Variants in KMT2C observed in about 807,000 individuals in gnomAD.
The protein encoded by KMT2C is lysine methyltransferase 2C.
In KMT2C, 88 loss-of-function variants were observed where a neutral mutation model predicts 507.9. That is an observed-to-expected ratio of 0.17 (90% CI 0.15 to 0.21). The LOEUF (loss-of-function observed/expected upper bound fraction) is 0.21, where lower values mean the gene tolerates loss of function less well. KMT2C is among the 10% of genes least tolerant of loss of function. The pLI is 1.00. For missense variants in KMT2C, 4,954 were observed against 5,957.8 expected (o/e 0.83, Z 5.55); for synonymous variants, 2,049 against 2,080.8 (o/e 0.98, Z 0.42).
Position 152,226,937 on chromosome 7 carries a change from T to C in KMT2C, c.2977-2321A>G, listed in dbSNP as rs1180818851. On this transcript the variant is annotated intron_variant, in intron 18 of 58. Transcript: ENST00000262189. ...CTTAAACAATGACCTGAAGATAAAG[T>C]GGCAGACAGATCTGAGGTGTTCAGT... Among the ~76,000 whole-genome samples, 5 of 152,352 alleles carry C rather than the reference T, an allele frequency of 3.3e-5. No homozygotes were observed. In the South Asian group the frequency reaches 6.2e-4, roughly 19 times the overall value.
intron 6 of KMT2C, among the ~76,000 whole-genome samples, chr7:152,294,022 C>CT (rs5888465): frequency 0.04 from 5,281 of 133,086 alleles, 214 homozygotes; most frequent in African/African-American, 0.098. Flanking sequence ...CCACACCTGC[C>CT]TTTTTTTTTT....
In KMT2C at chr7:152,252,610, A is replaced by C. The variant is rs752854403; in HGVS notation, c.1405T>G (p.Phe469Val). The C allele has an allele frequency of 1.2e-6, 2 of 1,613,672 alleles. No individual in the cohort carries two copies. Among genetic ancestry groups the C allele is most frequent in the East Asian group, 4.5e-5 (2 of 44,854 alleles). The stretch of plus-strand genomic sequence containing the variant: ...TCTGGATGATAACACTTCCCACAGA[A>C]GGGACATAAGTTATCCTGCTGTTGG... ...CYQQQDNLCP[F>V]CGKCYHPELQ... Residue 469 changes from phenylalanine (F) to valine (V), a missense_variant, in exon 10 of 59, where the codon TTC (phenylalanine) becomes GTC (valine). Phe to Val is a conservative substitution (Grantham distance 50). This residue lies in a region of KMT2C where 376 missense variants were observed against 352.4 expected (regional missense o/e 1.07). Coordinates refer to ENST00000262189, the MANE Select transcript of KMT2C (RefSeq NM_170606.3).
chr7:152,387,723 G>A (rs1422709618), intron 1 of KMT2C, among the ~76,000 whole-genome samples: 11 of 152,058 alleles, frequency 7.2e-5, no homozygotes, highest in East Asian at 3.9e-4. Context: ...CGCCCGCCTC[G>A]GCCTCCCAAA....
rs1181764120 is a variant in KMT2C, at chr7:152,179,822, T to TA, written c.7442+11dup. ...TAGCAATTTAAATTCGGCAGGAAATTAAAAGCATTACCTAAATCCATGAGG... is the reference window on the plus strand; with the variant it reads ...TAGCAATTTAAATTCGGCAGGAAATTAAAAAGCATTACCTAAATCCATGAGG... On this transcript the variant is annotated intron_variant, in intron 37 of 58. Transcript: ENST00000262189. 6.2e-7 allele frequency: 1 copy of TA among 1,610,430 alleles called. No individual in the cohort carries two copies. Among genetic ancestry groups the TA allele is most frequent in the Non-Finnish European group, 8.5e-7 (1 of 1,177,978 alleles).
chr7:152,376,378 G>T (rs2097328852), intron 1 of KMT2C, among the ~76,000 whole-genome samples: 2 of 152,202 alleles, frequency 1.3e-5, no homozygotes, highest in African/African-American at 4.8e-5. Context: ...TAATCTTAGT[G>T]GGGAAGGCAT....
At chr7:152,249,083 C>CA (rs2095521130) in intron 13 of KMT2C, among the ~76,000 whole-genome samples, 1 of 152,080 alleles carries the variant, frequency 6.6e-6, no homozygotes, top group African/African-American at 2.4e-5. Flanking sequence ...CCATACCTGC[C>CA]AACCTACCCA....
chr7:152,193,908 G>A, intron 31 of KMT2C, 101 bp downstream of exon 31: 2 of 1,015,910 alleles, frequency 2.0e-6, no homozygotes, highest in Non-Finnish European at 2.7e-6. Flanking sequence ...TGTATACGTG[G>A]CTACTAAAGA....
At chr7:152,309,863 A>AG in intron 6 of KMT2C, 103 bp downstream of exon 6, 1 of 719,892 alleles carries the variant, frequency 1.4e-6, no homozygotes, top group Non-Finnish European at 2.3e-6. Flanking sequence ...CTATTTTGAG[A>AG]GCTTTTACAC....
In KMT2C at chr7:152,178,045, A is replaced by T. The variant is rs777680809; in HGVS notation, c.7443-35T>A. On this transcript the variant is annotated intron_variant, in intron 37 of 58. Coordinates refer to ENST00000262189, the MANE Select transcript of KMT2C (RefSeq NM_170606.3). ...AAAAAAAAAAAAAAAAAAAAAAAGC[A>T]AATAGGTATTATGTTAAATTTAGAG... The T allele has an allele frequency of 4.3e-5, 58 of 1,343,162 alleles. No individual in the cohort carries two copies. The African/African-American group carries it at 8.5e-4, about 20-fold the overall frequency. 83.2% of individuals were successfully genotyped at this position (1,343,162 alleles called of 1,614,324 possible). A position where few individuals can be genotyped will look rare whatever the true frequency, so the allele number is the denominator to read the frequency against.
intron 1 of KMT2C, among the ~76,000 whole-genome samples, chr7:152,422,770 T>C (rs950916781): frequency 5.9e-5 from 9 of 152,098 alleles, no homozygotes; most frequent in Admixed American, 3.3e-4. Context: ...ACGCCTGTAA[T>C]CTCAGCACTT....
At chr7:152,207,969 T>C (rs2094352808) in intron 23 of KMT2C, among the ~76,000 whole-genome samples, 1 of 152,176 alleles carries the variant, frequency 6.6e-6, no homozygotes, top group Non-Finnish European at 1.5e-5. Flanking sequence ...GACTTCTCAA[T>C]ACCTCTGAAA....
intron 26 of KMT2C, among the ~76,000 whole-genome samples, chr7:152,200,351 A>G (rs1363985893): frequency 6.6e-6 from 1 of 152,236 alleles, no homozygotes; most frequent in Non-Finnish European, 1.5e-5. Context: ...CAATTTTTTA[A>G]AAGTATATAG....
At chr7:152,203,277 T>C (rs2094200004) in intron 25 of KMT2C, among the ~76,000 whole-genome samples, 1 of 152,032 alleles carries the variant, frequency 6.6e-6, no homozygotes, top group East Asian at 1.9e-4. Flanking sequence ...CCTATTTTCT[T>C]AATAATCGAT....
intron 9 of KMT2C, 35 bp downstream of exon 9, chr7:152,262,977 TAGAG>T (rs1175516080): frequency 1.4e-6 from 2 of 1,478,330 alleles, no homozygotes; most frequent in African/African-American, 1.4e-5. Context: ...ATATAAAACA[TAGAG>T]AGGATTTAAA....
intron 1 of KMT2C, among the ~76,000 whole-genome samples, chr7:152,392,753 T>A (rs975673973): frequency 6.6e-6 from 1 of 152,220 alleles, no homozygotes; most frequent in Non-Finnish European, 1.5e-5. Flanking sequence ...AACTCTTCAG[T>A]ATCTGATGAG....
At chr7:152,255,122 T>TATAC (rs1554583704) in intron 9 of KMT2C, among the ~76,000 whole-genome samples, 2 of 111,590 alleles carry the variant, frequency 1.8e-5, no homozygotes, top group Non-Finnish European at 3.4e-5. Flanking sequence ...TATATATATA[T>TATAC]ATATATATAT....
At position 152,177,816 on chromosome 7, in the gene KMT2C, A is replaced by C. The variant is rs1422884004; in HGVS notation, c.7637T>G (p.Leu2546Trp). 6 of 1,613,866 alleles carry C rather than the reference A, an allele frequency of 3.7e-6. No homozygotes were observed. The highest frequency in any genetic ancestry group is 2.5e-6 in the Non-Finnish European group (3 of 1,179,950). ...CAGTATGTTGTGCTGCTGAACTGGC[A>C]AGCTCTGTGGTGAAAAATGCTGAGG... ...GLPQHFSPQS[L>W]PVQQHNILGQ... Residue 2546 changes from leucine to tryptophan, a missense_variant, in exon 38 of 59, where the codon TTG (leucine) becomes TGG (tryptophan). Physicochemically the swap from Leu to Trp is moderately conservative, Grantham distance 61 (BLOSUM62 -2). Coordinates refer to ENST00000262189, the MANE Select transcript of KMT2C (RefSeq NM_170606.3).
intron 7 of KMT2C, among the ~76,000 whole-genome samples, chr7:152,272,021 A>G (rs1193881879): frequency 2.0e-5 from 3 of 152,036 alleles, no homozygotes; most frequent in South Asian, 2.1e-4. Context: ...TATTACCTTC[A>G]TATTTATCCT....
At chr7:152,418,716 G>A (rs550830328) in intron 1 of KMT2C, among the ~76,000 whole-genome samples, 4 of 152,090 alleles carry the variant, frequency 2.6e-5, no homozygotes, top group Admixed American at 1.3e-4. Flanking sequence ...AGTCGTGAGC[G>A]ACAGCACTCA....
Sources: gnomAD v4.1 joint callset for allele counts (sites outside exome capture counted in the v4.1 genomes callset) on GRCh38, gnomAD v4.1.1 for gene constraint, gnomAD v4.1.1 regional missense constraint, MANE v1.5 for transcripts, NCBI Gene and HGNC (gene_info 2026-07-23, HGNC 2026-07-21) for gene names.